LARP7: variants seen among roughly 807,000 people sequenced by gnomAD.
LARP7 encodes la-related protein 7.
In LARP7, 52 loss-of-function variants were observed where a neutral mutation model predicts 69.3. The ratio of observed to expected loss-of-function variants is 0.75; its 90% confidence interval spans 0.60 to 0.95. The LOEUF is 0.95. Ranked by LOEUF, LARP7 falls within the 40% of genes least tolerant of loss-of-function variation. The pLI is 0.00. For synonymous variants in LARP7, 254 were observed against 215.9 expected (o/e 1.18, Z -1.55); for missense variants, 733 against 673.0 (o/e 1.09, Z -0.99).
chr4:112,646,546 T>C (rs755746821), intron 3 of LARP7, 42 bp from the exon 4 acceptor site: 6 of 1,287,752 alleles, frequency 4.7e-6, no homozygotes, highest in Non-Finnish European at 6.4e-6. Context: ...CTTACAATTA[T>C]AAATAATATT....
At chr4:112,641,493 GGAA>G (rs764706063) in intron 1 of LARP7, among the ~76,000 whole-genome samples, 5 of 152,160 alleles carry the variant, frequency 3.3e-5, no homozygotes, top group South Asian at 2.1e-4. Context: ...CGATTATAAG[GGAA>G]GAAGATTAGA....
At chr4:112,651,589 T>C (rs1658802269) in intron 10 of LARP7, among the ~76,000 whole-genome samples, 1 of 150,966 alleles carries the variant, frequency 6.6e-6, no homozygotes, top group African/African-American at 2.5e-5. Context: ...AGGGTAACTT[T>C]ATCAATTACA....
At chr4:112,647,894 C>A in intron 8 of LARP7, 60 bp downstream of exon 8, 1 of 1,186,008 alleles carries the variant, frequency 8.4e-7, no homozygotes, top group Non-Finnish European at 1.3e-6. Context: ...TGCTAAAGTG[C>A]AATTCCAATT....
chr4:112,649,852 T>G, intron 9 of LARP7, 166 bp downstream of exon 9: 1 of 439,704 alleles, frequency 2.3e-6, no homozygotes, highest in Non-Finnish European at 4.0e-6. Context: ...TTACTTACTC[T>G]TGATATAAGA....
chr4:112,652,290 A>AT (rs200614395), intron 10 of LARP7, among the ~76,000 whole-genome samples: 6 of 120,132 alleles, frequency 5.0e-5, no homozygotes, highest in Admixed American at 8.6e-5. Flanking sequence ...GATAAATAAG[A>AT]TTTCCCCCCC....
intron 10 of LARP7, among the ~76,000 whole-genome samples, chr4:112,652,271 G>A (rs1434459339): frequency 1.3e-5 from 2 of 148,462 alleles, no homozygotes; most frequent in African/African-American, 2.5e-5. Context: ...CAAAACGAAA[G>A]GGAGGCAAGA....
At chr4:112,647,573 GA>G in intron 7 of LARP7, 24 bp downstream of exon 7, 1 of 1,363,984 alleles carries the variant, frequency 7.3e-7, no homozygotes, top group Non-Finnish European at 1.0e-6. Flanking sequence ...GTTTTAATTA[GA>G]TAAAACTAAT....
rs759279233 is a variant in LARP7, at chr4:112,648,156, AT to A, written c.1142+323del. On this transcript the variant is annotated intron_variant, in intron 8 of 12. Coordinates refer to ENST00000344442, the MANE Select transcript of LARP7 (RefSeq NM_016648.4). ...TACAATAAAGTTATTTTCTAAAAAA[AT>A]AATAAAAATGTAAAAGGAAGACTTA... The A allele has an allele frequency of 2.7e-5, 14 of 520,010 alleles. No individual in the cohort carries two copies. The African/African-American group carries it at 2.8e-4, about 10-fold the overall frequency. The allele number at this position is 520,010 out of a possible 1,614,324, so 32.2% of individuals were successfully genotyped here.
chr4:112,651,225 A>T (rs1025543091), intron 10 of LARP7, among the ~76,000 whole-genome samples: 1 of 152,210 alleles, frequency 6.6e-6, no homozygotes, highest in African/African-American at 2.4e-5. Context: ...ATTTTCTTAT[A>T]CTGACATTCA....
chr4:112,645,882 G>T (rs570323318), intron 2 of LARP7, among the ~76,000 whole-genome samples: 3 of 152,194 alleles, frequency 2.0e-5, no homozygotes, highest in African/African-American at 7.2e-5. Flanking sequence ...TGTCCTCTTT[G>T]AATGTCTGGG....
Position 112,646,917 on chromosome 4 carries a change from G to A in LARP7, c.514G>A (p.Glu172Lys), listed in dbSNP as rs1027484953. ...TGDPKGFAFV[E>K]FETKEQAAKA... ...AGATCCAAAGGGATTTGCGTTTGTG[G>A]AATTTGAAACAAAAGAACAAGCAGC... The change falls in exon 5 of 13, where the codon GAA (glutamate) becomes AAA (lysine). Residue 172 changes from glutamate (E) to lysine (K), a missense_variant. Physicochemically the swap from Glu to Lys is moderately conservative, Grantham distance 56 (BLOSUM62 1). Coordinates refer to ENST00000344442, the MANE Select transcript of LARP7 (RefSeq NM_016648.4). 6.2e-7 allele frequency: 1 copy of A among 1,608,030 alleles called. No homozygotes were observed. Among genetic ancestry groups the A allele is most frequent in the Admixed American group, 1.7e-5 (1 of 58,966 alleles).
intron 2 of LARP7, 49 bp downstream of exon 2, chr4:112,644,920 A>G (rs1354433593): frequency 3.6e-6 from 3 of 831,986 alleles, no homozygotes; most frequent in Non-Finnish European, 3.6e-6. Flanking sequence ...GGTTGCCTTT[A>G]AATTTACTTA....
intron 10 of LARP7, among the ~76,000 whole-genome samples, 157 bp from the exon 11 acceptor site, chr4:112,652,920 G>A (rs1669453236): frequency 6.6e-6 from 1 of 152,018 alleles, no homozygotes; most frequent in Non-Finnish European, 1.5e-5. Flanking sequence ...TTAAGAACAT[G>A]CTTTACAGGA....
chr4:112,647,939 T>C (rs1245114543), intron 8 of LARP7, 105 bp downstream of exon 8: 1 of 870,592 alleles, frequency 1.1e-6, no homozygotes, highest in South Asian at 1.3e-5. Context: ...GCAACAGTAA[T>C]GGCCTGTAGC....
Position 112,654,078 on chromosome 4 carries a change from A to G in LARP7, c.1587A>G (p.Glu529=). ...WKLEILSGDH[E]QRYWQKILVD... Reference sequence around the variant, plus strand: ...TTGTTTGTTTTTAAGGTGATCACGAACAAAGGTATTGGCAGAAGATTTTGG... The same window carrying G: ...TTGTTTGTTTTTAAGGTGATCACGAGCAAAGGTATTGGCAGAAGATTTTGG... The change falls in exon 12 of 13, where the codon GAA becomes GAG. Residue 529 remains glutamate, a synonymous_variant. Coordinates refer to ENST00000344442, the MANE Select transcript of LARP7 (RefSeq NM_016648.4). The G allele has an allele frequency of 6.2e-7, 1 of 1,613,312 alleles. No homozygotes were observed. The highest frequency in any genetic ancestry group is 8.5e-7 in the Non-Finnish European group (1 of 1,179,298).
In LARP7 at chr4:112,657,282, G is replaced by C. The variant is rs760720635; in HGVS notation, c.1704G>C (p.Lys568Asn). The change falls in exon 13 of 13, where the codon AAG (lysine) becomes AAC (asparagine). Residue 568 changes from lysine to asparagine, a missense_variant. Transcript: ENST00000344442. ...ITKAEKIRLA[K>N]TQQASKHIRF... ...AAGCTGAAAAGATTAGACTGGCAAAGACTCAACAAGCGAGTAAACATATAA... is the reference window on the plus strand; with the variant it reads ...AAGCTGAAAAGATTAGACTGGCAAACACTCAACAAGCGAGTAAACATATAA... 1 of 1,590,410 alleles carries C rather than the reference G, an allele frequency of 6.3e-7. No individual in the cohort carries two copies. The highest frequency in any genetic ancestry group is 1.2e-5 in the South Asian group (1 of 86,244).
intron 7 of LARP7, 27 bp from the exon 8 acceptor site, chr4:112,647,663 A>G (rs201535779): frequency 6.1e-5 from 92 of 1,507,722 alleles, no homozygotes; most frequent in Middle Eastern, 2.5e-4. Flanking sequence ...CCATGTCTTA[A>G]CGGAGAGCTT....
intron 10 of LARP7, among the ~76,000 whole-genome samples, chr4:112,652,308 T>G (rs2048783406): frequency 9.3e-6 from 1 of 107,602 alleles, no homozygotes; most frequent in Admixed American, 9.9e-5. Context: ...CCCCCCCCCA[T>G]TTAGCAATCT....
chr4:112,653,787 C>G (rs1372864931), intron 11 of LARP7, among the ~76,000 whole-genome samples: 2 of 152,160 alleles, frequency 1.3e-5, no homozygotes, highest in Non-Finnish European at 2.9e-5. Flanking sequence ...CTGCACCAGG[C>G]AATTTTTATA....
Sources: allele counts gnomAD v4.1 joint callset (sites outside exome capture counted in the v4.1 genomes callset), GRCh38; gene constraint gnomAD v4.1.1; transcripts MANE v1.5; gene names NCBI Gene and HGNC (gene_info 2026-07-23, HGNC 2026-07-21).